ZNG1F: variants seen among roughly 807,000 people sequenced by gnomAD.
ZNG1F encodes Zn regulated GTPase metalloprotein activator 1F.
chr9:41,203,259 T>C, the ZNG1F span, among the ~76,000 whole-genome samples: 2 of 152,186 alleles, frequency 1.3e-5, no homozygotes, highest in African/African-American at 4.8e-5. Flanking sequence ...TTTGAAGCTA[T>C]GTAAATGTCT....
the ZNG1F span, among the ~76,000 whole-genome samples, chr9:41,193,044 A>G: frequency 6.8e-6 from 1 of 147,732 alleles, no homozygotes; most frequent in African/African-American, 2.5e-5. Context: ...ATCCCATTTA[A>G]CTCTCCAAGG....
At chr9:41,141,098 A>G in the ZNG1F span, among the ~76,000 whole-genome samples, 1 of 151,064 alleles carries the variant, frequency 6.6e-6, no homozygotes, top group Non-Finnish European at 1.5e-5. Flanking sequence ...TAAGGGGTAC[A>G]ATAAACTCCA....
At chr9:41,132,349 C>T in the ZNG1F span, 1 of 1,604,342 alleles carries the variant, frequency 6.2e-7, no homozygotes, top group Non-Finnish European at 8.5e-7. Context: ...CTTTGATTGA[C>T]ACCAATCCCT....
the ZNG1F span, among the ~76,000 whole-genome samples, chr9:41,175,108 G>A: frequency 6.8e-6 from 1 of 147,350 alleles, no homozygotes; most frequent in African/African-American, 2.6e-5. Context: ...AAAAGAATAA[G>A]TGTAGGAGAA....
chr9:41,185,139 G>A, the ZNG1F span, among the ~76,000 whole-genome samples: 22 of 107,916 alleles, frequency 2.0e-4, 1 homozygote, highest in African/African-American at 6.0e-4. Flanking sequence ...ACTGTGTCTA[G>A]AGCTATTTTT....
chr9:41,197,228 A>ATTT, the ZNG1F span, among the ~76,000 whole-genome samples: 1 of 16,800 alleles, frequency 6.0e-5, no homozygotes, highest in African/African-American at 1.1e-4. Flanking sequence ...ATCATTCATC[A>ATTT]TTTTTTTTTT....
At chr9:41,175,399 C>G in the ZNG1F span, among the ~76,000 whole-genome samples, 1 of 146,700 alleles carries the variant, frequency 6.8e-6, no homozygotes, top group Non-Finnish European at 1.5e-5. Flanking sequence ...AATTACTTTA[C>G]CATGACAATT....
the ZNG1F span, among the ~76,000 whole-genome samples, chr9:41,184,136 T>C: frequency 6.6e-6 from 1 of 151,288 alleles, no homozygotes; most frequent in African/African-American, 2.4e-5. Flanking sequence ...AAAACCCTAG[T>C]TCATCCTGAG....
the ZNG1F span, among the ~76,000 whole-genome samples, chr9:41,178,920 G>A: frequency 7.5e-6 from 1 of 133,562 alleles, no homozygotes; most frequent in Non-Finnish European, 1.6e-5. Flanking sequence ...ATGCCATTTA[G>A]GACTTTCATA....
chr9:41,183,806 T>C, the ZNG1F span: 1 of 1,364,322 alleles, frequency 7.3e-7, no homozygotes. Context: ...ACTTTATTCA[T>C]GCAGCCTTGA....
the ZNG1F span, among the ~76,000 whole-genome samples, chr9:41,144,698 AAAG>A: frequency 6.7e-6 from 1 of 148,380 alleles, no homozygotes; most frequent in Non-Finnish European, 1.5e-5. Flanking sequence ...TAAGAGGAAC[AAAG>A]AAGTTATCCT....
At chr9:41,169,119 T>A in the ZNG1F span, among the ~76,000 whole-genome samples, 14 of 148,808 alleles carry the variant, frequency 9.4e-5, no homozygotes, top group East Asian at 2.8e-3. Context: ...TCTATGCCCA[T>A]AGGAAAGCTA....
At chr9:41,189,948 T>C in the ZNG1F span, among the ~76,000 whole-genome samples, 1 of 76,030 alleles carries the variant, frequency 1.3e-5, no homozygotes, top group East Asian at 4.0e-4. Flanking sequence ...GACACTCTCA[T>C]CACTAATCCA....
At chr9:41,157,247 G>A in the ZNG1F span, 1 of 146,372 alleles carries the variant, frequency 6.8e-6, no homozygotes, top group Admixed American at 7.0e-5. Flanking sequence ...GGATCACAAG[G>A]TCAAGATCAA....
At chr9:41,195,717 T>A in the ZNG1F span, among the ~76,000 whole-genome samples, 1 of 86,806 alleles carries the variant, frequency 1.2e-5, no homozygotes. Flanking sequence ...ATGACAGGAG[T>A]GGAGGTTGGG....
chr9:41,174,222 C>T, the ZNG1F span: 1 of 1,320,724 alleles, frequency 7.6e-7, no homozygotes, highest in African/African-American at 2.3e-5. Flanking sequence ...CAAAGTGAGA[C>T]TCTGTCTCAG....
At chr9:41,139,728 G>A in the ZNG1F span, among the ~76,000 whole-genome samples, 9 of 151,718 alleles carry the variant, frequency 5.9e-5, no homozygotes, top group African/African-American at 2.2e-4. Flanking sequence ...AAATGTCCAG[G>A]ACAGTTGAAT....
the ZNG1F span, among the ~76,000 whole-genome samples, chr9:41,138,885 T>C: frequency 2.2e-5 from 3 of 133,844 alleles, no homozygotes; most frequent in South Asian, 2.6e-4. Flanking sequence ...TTCTTGTATC[T>C]TTTTTTTTTA....
At chr9:41,166,429 AATAATT>A in the ZNG1F span, among the ~76,000 whole-genome samples, 1 of 42,652 alleles carries the variant, frequency 2.3e-5, no homozygotes, top group Non-Finnish European at 5.6e-5. Flanking sequence ...AAATAATAAT[AATAATT>A]ATTATTATAC....
Sources: allele counts gnomAD v4.1 joint callset (sites outside exome capture counted in the v4.1 genomes callset), GRCh38; gene constraint gnomAD v4.1.1; transcripts MANE v1.5; gene names NCBI Gene and HGNC (gene_info 2026-07-23, HGNC 2026-07-21).